ADAM8: variants seen among roughly 807,000 people sequenced by gnomAD.
ADAM8 encodes the protein disintegrin and metalloproteinase domain-containing protein 8.
A neutral mutation model predicts 102.4 loss-of-function variants in ADAM8; 104 were observed. The ratio of observed to expected loss-of-function variants is 1.02; its 90% CI spans 0.87 to 1.20. The LOEUF (loss-of-function observed/expected upper bound fraction) is 1.20, where lower values mean the gene tolerates loss of function less well. ADAM8 is among the 50% of genes most tolerant of loss of function. ADAM8 has a pLI of 0.00. For synonymous variants in ADAM8, 517 were observed against 485.2 expected, an observed-to-expected ratio of 1.07 and a Z score of -0.86; for missense variants, 1,132 against 1,159.0, an observed-to-expected ratio of 0.98 and a Z score of 0.34.
intron 21 of ADAM8, among the ~76,000 whole-genome samples, chr10:133,266,874 T>TG (rs1331666610): frequency 6.6e-6 from 1 of 152,064 alleles, no homozygotes; most frequent in Non-Finnish European, 1.5e-5. Context: ...ACCCCAACCC[T>TG]GGGGGGACAC....
intron 1 of ADAM8, among the ~76,000 whole-genome samples, chr10:133,276,414 G>A (rs941978338): frequency 1.4e-4 from 21 of 152,172 alleles, no homozygotes; most frequent in Non-Finnish European, 2.4e-4. Context: ...TTCCCTCCTC[G>A]GCTAAATAGT....
chr10:133,267,814 G>C (rs1351772833), intron 20 of ADAM8, 115 bp downstream of exon 20: 1 of 1,072,120 alleles, frequency 9.3e-7, no homozygotes, highest in Admixed American at 3.7e-5. Flanking sequence ...GCCACCGCTG[G>C]CCTGTGCGTG....
chr10:133,276,740 T>TGCGCA, intron 1 of ADAM8, 32 bp downstream of exon 1: 1 of 1,530,540 alleles, frequency 6.5e-7, no homozygotes, highest in South Asian at 1.2e-5. Context: ...TGCCCCGCGC[T>TGCGCA]GCGCCCGGGA....
intron 10 of ADAM8, 66 bp downstream of exon 10, chr10:133,272,127 C>T (rs1223490679): frequency 4.0e-5 from 60 of 1,516,278 alleles, no homozygotes; most frequent in Non-Finnish European, 5.1e-5. Context: ...AGACCTGGAC[C>T]GAGGCGTCCC....
Position 133,276,863 on chromosome 10 carries a change from C to T in ADAM8, c.-46G>A, listed in dbSNP as rs549052078. 1.6e-5 allele frequency: 24 copies of T among 1,476,976 alleles called. No homozygotes were observed. The highest frequency in any genetic ancestry group is 2.9e-5 in the African/African-American group (2 of 67,934). 91.5% of individuals were successfully genotyped at this position (1,476,976 alleles called of 1,614,324 possible). On this transcript the variant is annotated 5_prime_UTR_variant, in exon 1 of 23. The change creates a new upstream start codon in the 5' untranslated region. Coordinates refer to ENST00000445355, the MANE Select transcript of ADAM8 (RefSeq NM_001109.5). ...GCGGAGGTGACAGCCCCGCGGGACACGGTCTGGTTCCTGCGCTCCTGGCCC... is the reference window on the plus strand; with the variant it reads ...GCGGAGGTGACAGCCCCGCGGGACATGGTCTGGTTCCTGCGCTCCTGGCCC...
intron 5 of ADAM8, 127 bp from the exon 6 acceptor site, chr10:133,273,570 G>A (rs1202461747): frequency 3.3e-5 from 43 of 1,298,074 alleles, no homozygotes; most frequent in Non-Finnish European, 4.1e-5. Flanking sequence ...CCCCGCAGGT[G>A]ACTTCAGGCC....
Position 133,273,959 on chromosome 10 carries a change from G to A in ADAM8, c.298C>T (p.Arg100Cys), listed in dbSNP as rs1376910005. 2.2e-5 allele frequency: 36 copies of A among 1,602,210 alleles called. No individual in the cohort carries two copies. The highest frequency in any genetic ancestry group is 6.7e-5 in the South Asian group (6 of 89,340). The change falls in exon 4 of 23, where the codon CGC becomes TGC. Residue 100 changes from arginine to cysteine, a missense_variant. By Grantham distance (180) the Arg-to-Cys change is radical (BLOSUM62 -3). Coordinates refer to ENST00000445355, the MANE Select transcript of ADAM8 (RefSeq NM_001109.5). ...CTCCGCCCGACCCATACCTGCCCGC[G>A]AGGCTGCTCCGTCACCTCGGAGCCA... is the stretch of plus-strand genomic sequence containing the variant. ...ANGSEVTEQP[R>C]GQDHCFYQGH... is the part of the protein sequence containing the mutation.
Position 133,263,067 on chromosome 10 carries a change from G to T in ADAM8, c.*89C>A. The T allele has an allele frequency of 6.8e-7, 1 of 1,474,398 alleles. No homozygotes were observed. The highest frequency in any genetic ancestry group is 9.5e-7 in the Non-Finnish European group (1 of 1,053,002). 91.3% of individuals were successfully genotyped at this position (1,474,398 alleles called of 1,614,324 possible). Reference sequence around the variant, plus strand: ...GCCTGCAAAGTCAGGGTCTAGGGCTGAGCGGCACTAGCTGGACCGTGGAAT... The same window carrying T: ...GCCTGCAAAGTCAGGGTCTAGGGCTTAGCGGCACTAGCTGGACCGTGGAAT... On this transcript the variant is annotated 3_prime_UTR_variant, in exon 23 of 23. Coordinates refer to ENST00000445355, the MANE Select transcript of ADAM8 (RefSeq NM_001109.5).
intron 18 of ADAM8, 172 bp from the exon 19 acceptor site, chr10:133,269,034 G>T: frequency 2.0e-6 from 2 of 985,492 alleles, no homozygotes; most frequent in Non-Finnish European, 2.4e-6. Flanking sequence ...TGACAGGTTG[G>T]AGAGCTTGGC....
At chr10:133,275,684 G>A in intron 1 of ADAM8, 97 bp from the exon 2 acceptor site, 1 of 653,182 alleles carries the variant, frequency 1.5e-6, no homozygotes, top group Non-Finnish European at 2.5e-6. Flanking sequence ...TGCTGGGCTT[G>A]ACCCTCCCCT....
chr10:133,268,056 C>T lies in ADAM8; in HGVS notation c.2126G>A (p.Arg709His), dbSNP rs201486588. 1,674 of 1,267,320 alleles carry T rather than the reference C, an allele frequency of 1.3e-3. 4 individuals are homozygous for T. Among genetic ancestry groups the T allele is most frequent in the South Asian group, 1.4e-3 (37 of 25,964 alleles). 78.5% of individuals were successfully genotyped at this position (1,267,320 alleles called of 1,614,324 possible). Residue 709 changes from arginine to histidine, a missense_variant, in exon 20 of 23, where the codon CGC becomes CAC. Arg to His is a conservative substitution (Grantham distance 29). Coordinates refer to ENST00000445355, the MANE Select transcript of ADAM8 (RefSeq NM_001109.5). ...TGGAGCCCCGCCCTTGGCCGGCACG[C>T]GGCTGGCAGCCTGGTGGAACAGGGG... ...SNPLFHQAAS[R>H]VPAKGGAPAP... is the part of the protein sequence containing the mutation.
intron 2 of ADAM8, among the ~76,000 whole-genome samples, chr10:133,275,239 G>C (rs1314603649): frequency 6.6e-6 from 1 of 152,162 alleles, no homozygotes; most frequent in African/African-American, 2.4e-5. Flanking sequence ...GAGGGGCCCG[G>C]GGCCAGCACA....
At chr10:133,269,297 C>T in intron 18 of ADAM8, 148 bp downstream of exon 18, 2 of 1,253,274 alleles carry the variant, frequency 1.6e-6, no homozygotes, top group Non-Finnish European at 2.1e-6. Context: ...CAGACAGGCT[C>T]TGCCTATACC....
chr10:133,267,566 C>G, intron 20 of ADAM8, 149 bp from the exon 21 acceptor site: 1 of 762,652 alleles, frequency 1.3e-6, no homozygotes. Context: ...ATGAGAGGCC[C>G]CGCCCCATTC....
At position 133,263,127 on chromosome 10, in the gene ADAM8, C is replaced by T. The variant is rs1292786882; in HGVS notation, c.*29G>A. On this transcript the variant is annotated 3_prime_UTR_variant, in exon 23 of 23. Coordinates refer to ENST00000445355, the MANE Select transcript of ADAM8 (RefSeq NM_001109.5). ...CATGGCTTCTCTGCCGCAACTTCTCCAAATTTCCACACAGGCGCAGGTGCC... is the reference window on the plus strand; with the variant it reads ...CATGGCTTCTCTGCCGCAACTTCTCTAAATTTCCACACAGGCGCAGGTGCC... The T allele has an allele frequency of 2.5e-6, 4 of 1,613,654 alleles. No homozygotes were observed. Among genetic ancestry groups the T allele is most frequent in the Admixed American group, 1.7e-5 (1 of 60,018 alleles).
At chr10:133,269,758 G>C (rs1283568873) in intron 17 of ADAM8, 139 bp downstream of exon 17, 2 of 1,079,008 alleles carry the variant, frequency 1.9e-6, no homozygotes, top group East Asian at 2.4e-5. Context: ...GCCGACAGGG[G>C]CTCCACAGAG....
chr10:133,275,835 C>CTG, intron 1 of ADAM8: 1 of 433,238 alleles, frequency 2.3e-6, no homozygotes, highest in Non-Finnish European at 4.1e-6. Flanking sequence ...GCTGTGGGTG[C>CTG]CAGCGGGTGC....
rs1846555179 is a variant in ADAM8, at chr10:133,272,232, CA to C, written c.917del (p.Val306GlyfsTer12). 2 of 1,548,776 alleles carry C rather than the reference CA, an allele frequency of 1.3e-6. No homozygotes were observed. The highest frequency in any genetic ancestry group is 1.7e-6 in the Non-Finnish European group (2 of 1,146,042). ...FTGTTVGFARVSAMCSHSSGA... is the reference protein window; with the variant it reads ...FTGTTVGFARXSAMCSHSSGA... ...CTGAGCTGTGGGAGCACATGGCGGA[CA>C]CCCTGGCAAACCCCACGGTAGTCCC... On this transcript the variant is annotated frameshift_variant, in exon 10 of 23. Coordinates refer to ENST00000445355, the MANE Select transcript of ADAM8 (RefSeq NM_001109.5). LOFTEE classifies it high-confidence loss of function.
At chr10:133,270,686 C>A (rs994462521) in intron 15 of ADAM8, 50 bp downstream of exon 15, 1 of 1,576,822 alleles carries the variant, frequency 6.3e-7, no homozygotes, top group South Asian at 1.1e-5. Context: ...TGGGGCTGAC[C>A]CCGCTGTGGG....
Sources: gnomAD v4.1 joint callset for allele counts (sites outside exome capture counted in the v4.1 genomes callset) on GRCh38, gnomAD v4.1.1 for gene constraint, MANE v1.5 for transcripts, NCBI Gene and HGNC (gene_info 2026-07-23, HGNC 2026-07-21) for gene names.